PAMR1: variants seen among roughly 807,000 people sequenced by gnomAD.
The protein encoded by PAMR1 is inactive serine protease PAMR1.
Under a neutral mutation model 81.8 loss-of-function variants are expected in PAMR1, and 88 were observed. The observed-to-expected ratio is 1.08, with a 90% CI of 0.91 to 1.28. The LOEUF is 1.28. PAMR1 is among the 50% of genes most tolerant of loss of function. The probability of loss-of-function intolerance (pLI) is 0.00; values close to 1 mark genes in which losing one functional copy is unlikely to be tolerated. For missense variants in PAMR1, 935 were observed against 919.7 expected (o/e 1.02, Z -0.21); for synonymous variants, 336 against 345.3 (o/e 0.97, Z 0.30).
At chr11:35,437,336 AC>A (rs892145902) in intron 8 of PAMR1, among the ~76,000 whole-genome samples, 1 of 152,242 alleles carries the variant, frequency 6.6e-6, no homozygotes, top group Non-Finnish European at 1.5e-5. Context: ...GAAACTTGGT[AC>A]CCAAGGCAGT....
At chr11:35,516,647 A>G (rs938969161) in intron 1 of PAMR1, among the ~76,000 whole-genome samples, 5 of 152,198 alleles carry the variant, frequency 3.3e-5, no homozygotes, top group Admixed American at 6.5e-5. Context: ...ACAACAAACA[A>G]GGGGTCAATG....
chr11:35,465,988 C>G (rs949207014), intron 6 of PAMR1, among the ~76,000 whole-genome samples: 1 of 152,088 alleles, frequency 6.6e-6, no homozygotes, highest in African/African-American at 2.4e-5. Context: ...AGTTTTGGAC[C>G]AATTTATTTT....
rs1285697237 is a variant in PAMR1 at position 35,432,488 on chromosome 11, T to C, written c.2031A>G (p.Ala677=). ...GIAAVSFPGR[A]SPEPRWHLMG... ...TCAGATGCCAGCGTGGCTCAGGAGA[T>C]GCTCGTCCCGGGAAGGACACAGCCG... The change falls in exon 11 of 11, where the codon GCA becomes GCG. Residue 677 remains alanine (A), a synonymous_variant. Coordinates refer to ENST00000619888, the MANE Select transcript of PAMR1 (RefSeq NM_001001991.3). 3 of 1,614,134 alleles carry C rather than the reference T, an allele frequency of 1.9e-6. No homozygotes were observed. Among genetic ancestry groups the C allele is most frequent in the Non-Finnish European group, 2.5e-6 (3 of 1,180,064 alleles).
Position 35,432,263 on chromosome 11 carries a change from C to T in PAMR1, c.*93G>A, listed in dbSNP as rs921274590. The stretch of plus-strand genomic sequence containing the variant: ...GCCCTGGCACAGCCAAGTTCACAGG[C>T]CAAATCACACTTCAGGCCCACACTG... On this transcript the variant is annotated 3_prime_UTR_variant, in exon 11 of 11. Transcript: ENST00000619888. The T allele has an allele frequency of 4.2e-5, 53 of 1,265,316 alleles. No homozygotes were observed. The African/African-American group carries it at 7.2e-4, about 17-fold the overall frequency. 78.4% of individuals were successfully genotyped at this position (1,265,316 alleles called of 1,614,324 possible).
intron 3 of PAMR1, among the ~76,000 whole-genome samples, chr11:35,481,940 T>C (rs763271084): frequency 2.6e-5 from 4 of 152,218 alleles, no homozygotes; most frequent in Admixed American, 6.5e-5. Flanking sequence ...TATTAGACTT[T>C]TGTCAGATGG....
chr11:35,486,125 T>A (rs533214689), intron 3 of PAMR1, among the ~76,000 whole-genome samples: 1 of 152,234 alleles, frequency 6.6e-6, no homozygotes, highest in Non-Finnish European at 1.5e-5. Context: ...AAGCACTGTT[T>A]TCACAGATGG....
chr11:35,525,732 A>C (rs1160292294), upstream of PAMR1: 7 of 664,866 alleles, frequency 1.1e-5, no homozygotes, highest in Admixed American at 4.7e-5. Context: ...TCCCATCCTC[A>C]TCTGAGGGGA....
Position 35,492,028 on chromosome 11 carries a change from G to A in PAMR1, c.379+17C>T. 1 of 1,604,532 alleles carries A rather than the reference G, an allele frequency of 6.2e-7. No individual in the cohort carries two copies. ...ACAGTGTGCACTAGAGATGGAGCTA[G>A]GTCAAGGTCTACTTACGCATGCAGT... is the stretch of plus-strand genomic sequence containing the variant. On this transcript the variant is annotated intron_variant, in intron 3 of 10. Coordinates refer to ENST00000619888, the MANE Select transcript of PAMR1 (RefSeq NM_001001991.3).
At chr11:35,471,114 CTCCCAGTCTGTGTGGCTGGTTCCTTCCTA>C (rs1850168311) in intron 4 of PAMR1, among the ~76,000 whole-genome samples, 1 of 152,190 alleles carries the variant, frequency 6.6e-6, no homozygotes, top group African/African-American at 2.4e-5. Context: ...GCACTTTTTC[CTCCCAGTCTGTGTGGCTGGTTCCTTCCTA>C]TCCTCAGGCC....
chr11:35,526,668 C>T (rs642410), upstream of PAMR1, among the ~76,000 whole-genome samples: 5 of 152,100 alleles, frequency 3.3e-5, no homozygotes, highest in South Asian at 2.1e-4. Flanking sequence ...TGAACCCGGG[C>T]AGCTTAGGCC....
intron 3 of PAMR1, among the ~76,000 whole-genome samples, chr11:35,486,919 C>T (rs1182298090): frequency 6.6e-6 from 1 of 152,108 alleles, no homozygotes; most frequent in Non-Finnish European, 1.5e-5. Flanking sequence ...CATATACTTC[C>T]CTACTTCACT....
Position 35,441,709 on chromosome 11 carries a change from A to C in PAMR1, c.821-16T>G. On this transcript the variant is annotated splice_polypyrimidine_tract_variant and intron_variant, in intron 6 of 10. Transcript: ENST00000619888. ...TCTTCAAGGACTAAAAGAAAGTAAA[A>C]GAAAAGGAGAATTGTTAAAAGTCTG... 1 of 1,541,258 alleles carries C rather than the reference A, an allele frequency of 6.5e-7. No individual in the cohort carries two copies. Among genetic ancestry groups the C allele is most frequent in the Non-Finnish European group, 8.9e-7 (1 of 1,129,662 alleles).
chr11:35,469,015 G>A (rs371326180), intron 5 of PAMR1, among the ~76,000 whole-genome samples: 2 of 152,256 alleles, frequency 1.3e-5, no homozygotes, highest in African/African-American at 4.8e-5. Context: ...AATATAAAAC[G>A]ACTATGACTT....
At chr11:35,520,341 C>A (rs1269134174) in intron 1 of PAMR1, among the ~76,000 whole-genome samples, 1 of 152,202 alleles carries the variant, frequency 6.6e-6, no homozygotes, top group Non-Finnish European at 1.5e-5. Flanking sequence ...TATCTCCAGC[C>A]AACTCCAATT....
At chr11:35,509,870 TGC>T (rs1244739246) in intron 1 of PAMR1, among the ~76,000 whole-genome samples, 1 of 152,236 alleles carries the variant, frequency 6.6e-6, no homozygotes, top group Non-Finnish European at 1.5e-5. Context: ...AACTTAACTT[TGC>T]TTTTCACATT....
chr11:35,514,902 A>G lies in PAMR1; in HGVS notation c.73+10611T>C, dbSNP rs1246048000. Among the ~76,000 whole-genome samples the G allele has an allele frequency of 2.6e-5, 4 of 152,214 alleles. No homozygotes were observed. The East Asian group carries it at 7.7e-4, about 29-fold the overall frequency. Reference sequence around the variant, plus strand: ...CAACTGTGGTCCCAGCTACTCAGGAAGCTGAGGTGGGAGGATCACTCGAGC... The same window carrying G: ...CAACTGTGGTCCCAGCTACTCAGGAGGCTGAGGTGGGAGGATCACTCGAGC... On this transcript the variant is annotated intron_variant, in intron 1 of 10. Coordinates refer to ENST00000619888, the MANE Select transcript of PAMR1 (RefSeq NM_001001991.3).
At chr11:35,477,180 A>G (rs576413717) in intron 3 of PAMR1, among the ~76,000 whole-genome samples, 1 of 152,292 alleles carries the variant, frequency 6.6e-6, no homozygotes. Flanking sequence ...ATTTGAAATT[A>G]TCTCACTTAC....
At chr11:35,478,948 A>T (rs4463824) in intron 3 of PAMR1, among the ~76,000 whole-genome samples, 85,282 of 151,926 alleles carry the variant, frequency 0.56, 25,229 homozygotes, top group African/African-American at 0.76. Flanking sequence ...CCCCATGGCT[A>T]CGTGCCCAAA....
intron 3 of PAMR1, among the ~76,000 whole-genome samples, chr11:35,488,669 CTTTTTTTTT>C (rs34053329): frequency 1.9e-3 from 81 of 42,946 alleles, no homozygotes; most frequent in African/African-American, 6.3e-3. Context: ...CAAATCTTGC[CTTTTTTTTT>C]TTTTTTTTTT....
Sources: gnomAD v4.1 joint callset for allele counts (sites outside exome capture counted in the v4.1 genomes callset) on GRCh38, gnomAD v4.1.1 for gene constraint, MANE v1.5 for transcripts, NCBI Gene and HGNC (gene_info 2026-07-23, HGNC 2026-07-21) for gene names.